Variants in CTNND2 observed in about 807,000 individuals in gnomAD.
The protein encoded by CTNND2 is catenin delta-2.
CTNND2 carries 22 observed loss-of-function variants against 144.4 expected under a neutral mutation model. The ratio of observed to expected loss-of-function variants is 0.15; its 90% CI spans 0.11 to 0.22. CTNND2 has a LOEUF of 0.22. Ranked by LOEUF, CTNND2 falls within the 10% of genes least tolerant of loss-of-function variation. The probability of loss-of-function intolerance (pLI) is 1.00; values close to 1 mark genes in which losing one functional copy is unlikely to be tolerated. For missense variants in CTNND2, 1,353 were observed against 1,618.8 expected (o/e 0.84, Z 2.82); for synonymous variants, 751 against 695.6 (o/e 1.08, Z -1.25).
intron 3 of CTNND2, among the ~76,000 whole-genome samples, chr5:11,428,035 C>T (rs1762948308): frequency 6.6e-6 from 1 of 152,062 alleles, no homozygotes; most frequent in African/African-American, 2.4e-5. Context: ...CTGATAAACC[C>T]ATCAGATCTT....
chr5:11,361,128 C>T (rs922385622), intron 8 of CTNND2, among the ~76,000 whole-genome samples: 3 of 152,152 alleles, frequency 2.0e-5, no homozygotes, highest in Admixed American at 2.0e-4. Context: ...TCAAGTGATT[C>T]TCCTGCCTCA....
chr5:11,457,860 T>C (rs1215042773), intron 3 of CTNND2, among the ~76,000 whole-genome samples: 2 of 152,160 alleles, frequency 1.3e-5, no homozygotes, highest in Admixed American at 6.5e-5. Flanking sequence ...TCTCCTCTGA[T>C]TGCAACCCCT....
chr5:11,424,778 G>T (rs76357900), intron 3 of CTNND2, among the ~76,000 whole-genome samples: 1 of 152,012 alleles, frequency 6.6e-6, no homozygotes, highest in Non-Finnish European at 1.5e-5. Flanking sequence ...AATTAAACTA[G>T]AATTTTTTTT....
intron 7 of CTNND2, among the ~76,000 whole-genome samples, chr5:11,371,039 G>A (rs894749250): frequency 3.3e-5 from 5 of 152,212 alleles, no homozygotes; most frequent in African/African-American, 4.8e-5. Flanking sequence ...CTTCTATAGA[G>A]AAGGGTGGGG....
chr5:11,590,675 C>G (rs918848894), intron 2 of CTNND2, among the ~76,000 whole-genome samples: 1 of 151,908 alleles, frequency 6.6e-6, no homozygotes, highest in Non-Finnish European at 1.5e-5. Context: ...ACCCTTGTGA[C>G]AATACACCCT....
At chr5:11,887,292 G>A (rs1439586271) in intron 1 of CTNND2, among the ~76,000 whole-genome samples, 1 of 151,884 alleles carries the variant, frequency 6.6e-6, no homozygotes, top group Non-Finnish European at 1.5e-5. Context: ...CTATTCTACT[G>A]CTTTTTAAAA....
chr5:11,474,280 G>A (rs962681766), intron 3 of CTNND2, among the ~76,000 whole-genome samples: 13 of 152,100 alleles, frequency 8.5e-5, no homozygotes, highest in African/African-American at 3.1e-4. Context: ...CCATGCACTG[G>A]ACAAGGCACT....
At chr5:11,385,953 A>G (rs371649314) in intron 6 of CTNND2, 2 of 152,142 alleles carry the variant, frequency 1.3e-5, no homozygotes, top group Non-Finnish European at 2.9e-5. Context: ...TGGGCTCCCA[A>G]TCTTTCAGCA....
At position 11,450,635 on chromosome 5, in the gene CTNND2, C is replaced by T. The variant is rs560942942; in HGVS notation, c.288-38566G>A. ...GCGTCCCAGGCTGGGCGTGGTGGCT[C>T]ATGCCTGTAATCCCAGCACTTTGGG... On this transcript the variant is annotated intron_variant, in intron 3 of 21. Coordinates refer to ENST00000304623, the MANE Select transcript of CTNND2 (RefSeq NM_001332.4). 4.6e-5 allele frequency among the ~76,000 whole-genome samples: 7 copies of T among 152,260 alleles called. No individual in the cohort carries two copies. The East Asian group carries it at 1.4e-3, about 29-fold the overall frequency.
chr5:11,123,535 C>CA (rs1754355070), intron 12 of CTNND2, among the ~76,000 whole-genome samples: 1 of 152,224 alleles, frequency 6.6e-6, no homozygotes, highest in African/African-American at 2.4e-5. Flanking sequence ...GAGAGGTCTG[C>CA]TCTGGATAGC....
At chr5:11,619,353 A>G (rs1449045583) in intron 2 of CTNND2, among the ~76,000 whole-genome samples, 1 of 152,218 alleles carries the variant, frequency 6.6e-6, no homozygotes, top group African/African-American at 2.4e-5. Context: ...GGTTGCATTG[A>G]GCTGAGATCA....
chr5:11,393,136 A>G (rs966516103), intron 6 of CTNND2, among the ~76,000 whole-genome samples: 5 of 152,274 alleles, frequency 3.3e-5, no homozygotes, highest in African/African-American at 9.6e-5. Context: ...CTTTTAAGAC[A>G]TAGAAGTCAG....
intron 2 of CTNND2, among the ~76,000 whole-genome samples, chr5:11,635,033 T>C (rs6859362): frequency 0.015 from 2,281 of 152,142 alleles, 28 homozygotes; most frequent in East Asian, 0.025. Flanking sequence ...CAGCACTCTT[T>C]TAGGACATCT....
chr5:11,393,108 A>C (rs142498112), intron 6 of CTNND2, among the ~76,000 whole-genome samples: 1 of 152,234 alleles, frequency 6.6e-6, no homozygotes, highest in Admixed American at 6.5e-5. Flanking sequence ...TATGATTATG[A>C]TATAGCATTA....
intron 1 of CTNND2, among the ~76,000 whole-genome samples, chr5:11,809,897 G>A (rs556133998): frequency 6.6e-6 from 1 of 152,256 alleles, no homozygotes; most frequent in Middle Eastern, 3.4e-3. Flanking sequence ...AGTTCTCAAT[G>A]GAAGAGCAGA....
intron 2 of CTNND2, among the ~76,000 whole-genome samples, chr5:11,649,314 T>C (rs1336064455): frequency 6.6e-6 from 1 of 152,084 alleles, no homozygotes; most frequent in Non-Finnish European, 1.5e-5. Flanking sequence ...ACTTATTTTG[T>C]TATTTTTATT....
intron 15 of CTNND2, among the ~76,000 whole-genome samples, chr5:11,087,373 T>C (rs1045359904): frequency 2.0e-5 from 3 of 152,224 alleles, no homozygotes; most frequent in Non-Finnish European, 4.4e-5. Context: ...GGAAACGGCA[T>C]GGCTTTTGCT....
At chr5:11,020,208 A>G (rs989126479) in intron 17 of CTNND2, among the ~76,000 whole-genome samples, 1 of 152,176 alleles carries the variant, frequency 6.6e-6, no homozygotes, top group Non-Finnish European at 1.5e-5. Context: ...CTGACTCATT[A>G]ACATCACTGC....
intron 11 of CTNND2, among the ~76,000 whole-genome samples, chr5:11,183,225 G>C (rs972850486): frequency 1.3e-5 from 2 of 152,176 alleles, no homozygotes; most frequent in Admixed American, 6.5e-5. Flanking sequence ...TTGATAGACT[G>C]CTTGAAAATC....
Sources: gnomAD v4.1 joint callset for allele counts (sites outside exome capture counted in the v4.1 genomes callset) on GRCh38, gnomAD v4.1.1 for gene constraint, MANE v1.5 for transcripts, NCBI Gene and HGNC (gene_info 2026-07-23, HGNC 2026-07-21) for gene names.